The following SPATS2 variants were observed in gnomAD, a reference collection of about 807,000 sequenced individuals.
SPATS2 encodes the protein spermatogenesis associated serine rich 2.
A neutral mutation model predicts 63.7 loss-of-function variants in SPATS2; 38 were observed. The observed-to-expected ratio is 0.60, with a 90% CI of 0.46 to 0.78. SPATS2 has a LOEUF of 0.78. Among genes scored for constraint, SPATS2 ranks in the 30% least tolerant of loss-of-function variants. SPATS2 has a pLI of 0.00. For synonymous variants in SPATS2, 207 were observed against 232.9 expected, an observed-to-expected ratio of 0.89 and a Z score of 1.01; for missense variants, 588 against 666.2, an observed-to-expected ratio of 0.88 and a Z score of 1.29.
intron 2 of SPATS2, among the ~76,000 whole-genome samples, chr12:49,424,806 A>G (rs1459496213): frequency 1.3e-5 from 2 of 152,040 alleles, no homozygotes; most frequent in Non-Finnish European, 2.9e-5. Context: ...CAGCCTCCCA[A>G]GTAGCTGGGA....
chr12:49,524,721 G>A lies in SPATS2; in HGVS notation c.1151G>A (p.Cys384Tyr), dbSNP rs890939026. The A allele has an allele frequency of 6.2e-7, 1 of 1,614,070 alleles. No homozygotes were observed. The highest frequency in any genetic ancestry group is 1.3e-5 in the African/African-American group (1 of 74,924). The change falls in exon 13 of 14, where the codon TGT (cysteine) becomes TAT (tyrosine). Residue 384 changes from cysteine (C) to tyrosine (Y), a missense_variant. Cys to Tyr is a radical substitution (Grantham distance 194). Coordinates refer to ENST00000552918, the MANE Select transcript of SPATS2 (RefSeq NM_023071.4). Reference protein sequence around the residue: ...PKNSYSTRSRCSSVTSVSLSS... With the variant: ...PKNSYSTRSRYSSVTSVSLSS... The stretch of plus-strand genomic sequence containing the variant: ...AACAGCTATTCGACCAGATCCCGAT[G>A]TAGCTCAGTTACATCTGTGTCCTTG...
chr12:49,382,666 C>T (rs1944243359), intron 2 of SPATS2, among the ~76,000 whole-genome samples: 1 of 152,194 alleles, frequency 6.6e-6, no homozygotes, highest in Non-Finnish European at 1.5e-5. Flanking sequence ...GTTCTGCTTA[C>T]ACTTATATGC....
chr12:49,447,490 G>A (rs1945535109), intron 2 of SPATS2, among the ~76,000 whole-genome samples: 1 of 152,294 alleles, frequency 6.6e-6, no homozygotes, highest in African/African-American at 2.4e-5. Context: ...CCCCACCTCG[G>A]CCTCCCAAAG....
chr12:49,390,993 G>A (rs1454288822), intron 2 of SPATS2, among the ~76,000 whole-genome samples: 1 of 152,158 alleles, frequency 6.6e-6, no homozygotes, highest in Non-Finnish European at 1.5e-5. Context: ...GAATTGAAGT[G>A]TTTGATATGG....
chr12:49,512,660 A>G (rs530095614), intron 9 of SPATS2, among the ~76,000 whole-genome samples: 144 of 152,312 alleles, frequency 9.5e-4, no homozygotes, highest in Admixed American at 1.7e-3. Context: ...ACTTCTCATA[A>G]TAGATTGTAA....
At chr12:49,416,396 G>T (rs1437741329) in intron 2 of SPATS2, among the ~76,000 whole-genome samples, 1 of 152,160 alleles carries the variant, frequency 6.6e-6, no homozygotes. Context: ...ACCCTGTGAG[G>T]CTTACTGGGT....
chr12:49,441,870 T>C (rs529640110), intron 2 of SPATS2: 1 of 152,322 alleles, frequency 6.6e-6, no homozygotes, highest in East Asian at 1.9e-4. Flanking sequence ...ATGCAAATTT[T>C]TCACCTTTCA....
At chr12:49,469,347 G>A (rs1290204511) in intron 3 of SPATS2, among the ~76,000 whole-genome samples, 2 of 131,948 alleles carry the variant, frequency 1.5e-5, no homozygotes, top group Non-Finnish European at 3.1e-5. Flanking sequence ...CCGAAATTGC[G>A]CCACTGCATT....
intron 3 of SPATS2, among the ~76,000 whole-genome samples, chr12:49,482,843 C>G (rs1453158952): frequency 8.6e-5 from 13 of 151,956 alleles, no homozygotes; most frequent in Non-Finnish European, 1.8e-4. Context: ...AGCTGGAATG[C>G]AGTGGTGCAT....
intron 2 of SPATS2, among the ~76,000 whole-genome samples, chr12:49,440,948 A>T (rs1945407732): frequency 6.6e-6 from 1 of 152,194 alleles, no homozygotes; most frequent in African/African-American, 2.4e-5. Context: ...AATAGTGCTA[A>T]TAACTTTGGT....
intron 2 of SPATS2, among the ~76,000 whole-genome samples, chr12:49,376,132 C>T (rs866388653): frequency 2.6e-5 from 3 of 117,600 alleles, no homozygotes; most frequent in African/African-American, 9.9e-5. Flanking sequence ...GATGGAGTTT[C>T]ACTCTGTCGC....
chr12:49,514,013 C>T (rs763513246), intron 9 of SPATS2, among the ~76,000 whole-genome samples: 35 of 152,078 alleles, frequency 2.3e-4, no homozygotes, highest in African/African-American at 8.4e-4. Context: ...AAAAAATAGA[C>T]GAGCGTGGTG....
At chr12:49,377,097 C>T (rs1172482902) in intron 2 of SPATS2, among the ~76,000 whole-genome samples, 2 of 152,116 alleles carry the variant, frequency 1.3e-5, no homozygotes, top group South Asian at 2.1e-4. Context: ...ACACTGAATA[C>T]ACTAGGTTTG....
At chr12:49,472,936 G>A (rs555402781) in intron 3 of SPATS2, among the ~76,000 whole-genome samples, 1 of 151,396 alleles carries the variant, frequency 6.6e-6, no homozygotes, top group South Asian at 2.1e-4. Flanking sequence ...TGTAATCTCA[G>A]CTACTCAGGA....
chr12:49,435,653 T>C (rs1248305692), intron 2 of SPATS2, among the ~76,000 whole-genome samples: 1 of 120,558 alleles, frequency 8.3e-6, no homozygotes, highest in East Asian at 2.0e-4. Flanking sequence ...TTTTTTTTTT[T>C]TTTTTTTTTT....
intron 10 of SPATS2, among the ~76,000 whole-genome samples, chr12:49,517,767 C>G (rs1946874624): frequency 6.6e-6 from 1 of 152,158 alleles, no homozygotes; most frequent in Non-Finnish European, 1.5e-5. Context: ...GCTTATATCT[C>G]AATGGGGAAA....
chr12:49,489,422 A>T (rs1300406319), intron 4 of SPATS2, 43 bp from the exon 5 acceptor site: 7 of 1,519,342 alleles, frequency 4.6e-6, no homozygotes, highest in Middle Eastern at 1.7e-4. Context: ...CTGCCTAGTG[A>T]CCTACTAATG....
At chr12:49,431,389 C>T (rs929059797) in intron 2 of SPATS2, among the ~76,000 whole-genome samples, 1 of 152,144 alleles carries the variant, frequency 6.6e-6, no homozygotes, top group African/African-American at 2.4e-5. Flanking sequence ...GCTGGGACTA[C>T]AGGCACGCGC....
chr12:49,494,919 G>A lies in SPATS2; in HGVS notation c.443G>A (p.Ser148Asn), dbSNP rs1319255159. 2.5e-6 allele frequency: 4 copies of A among 1,614,036 alleles called. No homozygotes were observed. The highest frequency in any genetic ancestry group is 1.7e-5 in the Admixed American group (1 of 59,986). The change falls in exon 7 of 14, where the codon AGT becomes AAT. Residue 148 changes from serine to asparagine, a missense_variant. Physicochemically the swap from Ser to Asn is conservative, Grantham distance 46. Coordinates refer to ENST00000552918, the MANE Select transcript of SPATS2 (RefSeq NM_023071.4). ...GACACTGAGTCTGTGGACTCACTCA[G>A]TGAAGGTTTGGAGACACTTTCAATA... ...INDTESVDSL[S>N]EGLETLSIDA...
Sources: gnomAD v4.1 joint callset for allele counts (sites outside exome capture counted in the v4.1 genomes callset) on GRCh38, gnomAD v4.1.1 for gene constraint, MANE v1.5 for transcripts, NCBI Gene and HGNC (gene_info 2026-07-23, HGNC 2026-07-21) for gene names.